TSEN15: variants seen among roughly 807,000 people sequenced by gnomAD.
The protein encoded by TSEN15 is tRNA splicing endonuclease subunit 15.
A neutral mutation model predicts 20.5 loss-of-function variants in TSEN15; 10 were observed. That is an observed-to-expected ratio of 0.49 (90% CI 0.30 to 0.83). TSEN15 has a LOEUF of 0.83. TSEN15 is among the 40% of genes least tolerant of loss of function. The probability of loss-of-function intolerance (pLI) is 0.06; values close to 1 mark genes in which losing one functional copy is unlikely to be tolerated. For synonymous variants in TSEN15, 72 were observed against 80.1 expected, an observed-to-expected ratio of 0.90 and a Z score of 0.54; for missense variants, 180 against 218.6, an observed-to-expected ratio of 0.82 and a Z score of 1.11.
chr1:184,080,405 C>A (rs547825495), intron 3 of TSEN15, among the ~76,000 whole-genome samples: 1 of 152,244 alleles, frequency 6.6e-6, no homozygotes, highest in South Asian at 2.1e-4. Flanking sequence ...CTCCTGATAC[C>A]TAGCACTGTA....
intron 3 of TSEN15, among the ~76,000 whole-genome samples, chr1:184,082,507 G>A (rs77261860): frequency 0.026 from 3,966 of 152,214 alleles, 176 homozygotes; most frequent in African/African-American, 0.089. Flanking sequence ...GGCAGCAGTA[G>A]GGGGTATAGG....
intron 3 of TSEN15, among the ~76,000 whole-genome samples, chr1:184,080,197 G>A (rs1235770241): frequency 2.6e-5 from 4 of 152,110 alleles, no homozygotes; most frequent in Non-Finnish European, 4.4e-5. Context: ...TAAATGCAAA[G>A]TTATAATCAT....
chr1:184,084,500 AT>A (rs1651226657), intron 3 of TSEN15, among the ~76,000 whole-genome samples: 1 of 150,946 alleles, frequency 6.6e-6, no homozygotes, highest in African/African-American at 2.5e-5. Context: ...TTTATGGATA[AT>A]ATCTTAAAAC....
exon 4 of TSEN15, chr1:184,096,939 A>G (rs186167062): frequency 1.8e-3 from 270 of 152,358 alleles, no homozygotes; most frequent in African/African-American, 5.7e-3. Flanking sequence ...GGACACAGCC[A>G]AACCATATTA....
chr1:184,086,945 A>C (rs1349265567), intron 3 of TSEN15, among the ~76,000 whole-genome samples: 1 of 152,122 alleles, frequency 6.6e-6, no homozygotes, highest in East Asian at 1.9e-4. Context: ...GGATTTATGG[A>C]TAATATCTTA....
intron 3 of TSEN15, among the ~76,000 whole-genome samples, chr1:184,056,754 A>G (rs185740416): frequency 1.3e-5 from 2 of 152,108 alleles, no homozygotes; most frequent in Admixed American, 1.3e-4. Flanking sequence ...TTTCCTCACT[A>G]TCTGACATAT....
At chr1:184,067,683 T>G (rs1346379157) in intron 3 of TSEN15, among the ~76,000 whole-genome samples, 1 of 151,844 alleles carries the variant, frequency 6.6e-6, no homozygotes, top group East Asian at 1.9e-4. Context: ...TTTGGGAGGC[T>G]GAGGTGGGCG....
intron 3 of TSEN15, among the ~76,000 whole-genome samples, chr1:184,068,436 A>C (rs1033444950): frequency 1.3e-5 from 2 of 152,064 alleles, no homozygotes; most frequent in African/African-American, 4.8e-5. Flanking sequence ...GTGTGTCCTC[A>C]CCTTCCCTCT....
intron 3 of TSEN15, among the ~76,000 whole-genome samples, chr1:184,087,727 C>A (rs1378548524): frequency 6.6e-6 from 1 of 152,090 alleles, no homozygotes; most frequent in Non-Finnish European, 1.5e-5. Context: ...GTCCCATGAC[C>A]ATTTGGATGT....
Position 184,073,602 on chromosome 1 carries a change from T to C in TSEN15, c.*755T>C, listed in dbSNP as rs74131433. The C allele has an allele frequency of 6.6e-6, 1 of 152,602 alleles. No individual in the cohort carries two copies. The highest frequency in any genetic ancestry group is 2.4e-5 in the African/African-American group (1 of 41,432). The allele number at this position is 152,602 out of a possible 1,614,324, so 9.5% of individuals were successfully genotyped here. Reference sequence around the variant, plus strand: ...TTAATTAGACCCAGTTATTCCACTTTTGTTAATGTCTCTCAAATTGTACAA... The same window carrying C: ...TTAATTAGACCCAGTTATTCCACTTCTGTTAATGTCTCTCAAATTGTACAA... On this transcript the variant is annotated 3_prime_UTR_variant, in exon 5 of 5. Coordinates refer to ENST00000645668, the MANE Select transcript of TSEN15 (RefSeq NM_052965.4).
intron 3 of TSEN15, chr1:184,071,930 A>T (rs961816055): frequency 4.6e-6 from 2 of 432,830 alleles, no homozygotes; most frequent in Middle Eastern, 5.9e-4. Context: ...AACTATTTCT[A>T]TACCATTCTC....
At chr1:184,076,756 G>A (rs1159864347), downstream of TSEN15, among the ~76,000 whole-genome samples, 1 of 151,282 alleles carries the variant, frequency 6.6e-6, no homozygotes, top group African/African-American at 2.4e-5. Flanking sequence ...GAGAAAGTTT[G>A]AGTGGTCTGC....
chr1:184,059,666 G>A (rs1650375096), intron 3 of TSEN15, among the ~76,000 whole-genome samples: 1 of 152,136 alleles, frequency 6.6e-6, no homozygotes. Flanking sequence ...CGCCTCCCGG[G>A]TTCAAGTGAT....
At chr1:184,076,242 G>A (rs1651059323), downstream of TSEN15, among the ~76,000 whole-genome samples, 1 of 151,892 alleles carries the variant, frequency 6.6e-6, no homozygotes, top group Non-Finnish European at 1.5e-5. Flanking sequence ...TCATATTTTG[G>A]TAATTCTTGC....
downstream of TSEN15, among the ~76,000 whole-genome samples, chr1:184,076,680 G>T (rs1651066718): frequency 1.3e-5 from 2 of 152,154 alleles, no homozygotes; most frequent in Admixed American, 1.3e-4. Flanking sequence ...GTTATGGAAA[G>T]AAATGAAAAG....
rs1408875608 is a variant in TSEN15, at chr1:184,051,774, TCCGAGCCGACCC to T, written c.23_34del (p.Glu8_Pro11del). The T allele has an allele frequency of 1.1e-5, 16 of 1,509,188 alleles. No homozygotes were observed. The highest frequency in any genetic ancestry group is 1.4e-5 in the Non-Finnish European group (16 of 1,129,712). The allele number at this position is 1,509,188 out of a possible 1,614,324, so 93.5% of individuals were successfully genotyped here. A position where few individuals can be genotyped will look rare whatever the true frequency, so the allele number is the denominator to read the frequency against. On this transcript the variant is annotated inframe_deletion, in exon 1 of 5. Coordinates refer to ENST00000645668, the MANE Select transcript of TSEN15 (RefSeq NM_052965.4). ...GGCCGGCATGGAGGAGCGCGGCGAT[TCCGAGCCGACCC>T]CCGGCTGCAGCGGCCTGGGTCCGGG... is the stretch of plus-strand genomic sequence containing the variant.
At chr1:184,086,655 G>A (rs1651267091) in intron 3 of TSEN15, among the ~76,000 whole-genome samples, 1 of 152,062 alleles carries the variant, frequency 6.6e-6, no homozygotes, top group Non-Finnish European at 1.5e-5. Flanking sequence ...CTTGCCATGT[G>A]GATCTCTCTA....
At chr1:184,061,431 T>A (rs936430878) in intron 3 of TSEN15, among the ~76,000 whole-genome samples, 3 of 152,130 alleles carry the variant, frequency 2.0e-5, no homozygotes, top group African/African-American at 7.2e-5. Context: ...GAGCTACAAT[T>A]TCTTATTATT....
intron 3 of TSEN15, among the ~76,000 whole-genome samples, chr1:184,062,864 A>T (rs1650517377): frequency 6.6e-6 from 1 of 151,968 alleles, no homozygotes; most frequent in Non-Finnish European, 1.5e-5. Flanking sequence ...TTTTAAACTC[A>T]TCTGTGGTTA....
Sources: allele counts gnomAD v4.1 joint callset (sites outside exome capture counted in the v4.1 genomes callset), GRCh38; gene constraint gnomAD v4.1.1; transcripts MANE v1.5; gene names NCBI Gene and HGNC (gene_info 2026-07-23, HGNC 2026-07-21).